NTSR1: variants seen among roughly 807,000 people sequenced by gnomAD.
The protein encoded by NTSR1 is neurotensin receptor 1.
In NTSR1, 29 loss-of-function variants were observed where a neutral mutation model predicts 31.2. That is an observed-to-expected ratio of 0.93 (90% CI 0.69 to 1.27). The LOEUF is 1.27. NTSR1 is among the 50% of genes most tolerant of loss of function. NTSR1 has a pLI of 0.00. For synonymous variants in NTSR1, 282 were observed against 269.9 expected (o/e 1.04, Z -0.44); for missense variants, 697 against 595.4 (o/e 1.17, Z -1.78).
At position 62,760,597 on chromosome 20, in the gene NTSR1, A is replaced by C; in HGVS notation, c.*330A>C. 2 of 263,452 alleles carry C rather than the reference A, an allele frequency of 7.6e-6. No homozygotes were observed. Among genetic ancestry groups the C allele is most frequent in the Non-Finnish European group, 1.5e-5 (2 of 136,540 alleles). The allele number at this position is 263,452 out of a possible 1,614,324, so 16.3% of individuals were successfully genotyped here. A position where few individuals can be genotyped will look rare whatever the true frequency, so the allele number is the denominator to read the frequency against. On this transcript the variant is annotated 3_prime_UTR_variant, in exon 4 of 4. Transcript: ENST00000370501. ...GGCAGTTTTCTTTGTTCTCAGACTA[A>C]TGGATGGTTCCAGAGAAGGAAATGA...
intron 1 of NTSR1, among the ~76,000 whole-genome samples, chr20:62,752,583 C>G (rs1020623536): frequency 1.3e-5 from 2 of 152,230 alleles, no homozygotes; most frequent in African/African-American, 2.4e-5. Flanking sequence ...AGCCAGGGGG[C>G]CGGGGCCAGA....
chr20:62,750,115 G>A (rs958948896), intron 1 of NTSR1, among the ~76,000 whole-genome samples: 2 of 152,202 alleles, frequency 1.3e-5, no homozygotes, highest in South Asian at 2.1e-4. Context: ...GTGCTGCTCC[G>A]TCTTGAAAAA....
Position 62,742,745 on chromosome 20 carries a change from G to C in NTSR1, c.715-11940G>C, listed in dbSNP as rs1177201610. Among the ~76,000 whole-genome samples, 1 of 149,228 alleles carries C rather than the reference G, an allele frequency of 6.7e-6. No homozygotes were observed. Among genetic ancestry groups the C allele is most frequent in the Non-Finnish European group, 1.5e-5 (1 of 67,998 alleles). On this transcript the variant is annotated intron_variant, in intron 1 of 3. Transcript: ENST00000370501. The surrounding 1 kb of genome is among the most constrained non-coding windows in gnomAD (Gnocchi z 7.1). ...ATGACCTCACTCCTGGAAAGCGCTGGGCTGTGTCACCTTAAAGACCCCTTT... is the reference window on the plus strand; with the variant it reads ...ATGACCTCACTCCTGGAAAGCGCTGCGCTGTGTCACCTTAAAGACCCCTTT...
intron 1 of NTSR1, among the ~76,000 whole-genome samples, chr20:62,716,478 G>A (rs893398935): frequency 6.6e-5 from 9 of 137,212 alleles, no homozygotes; most frequent in African/African-American, 2.0e-4. Context: ...CTGTATCTTC[G>A]TTGTGGATCA....
chr20:62,709,412 G>T lies in NTSR1; in HGVS notation c.205G>T (p.Val69Leu). 1 of 1,611,056 alleles carries T rather than the reference G, an allele frequency of 6.2e-7. No homozygotes were observed. Among genetic ancestry groups the T allele is most frequent in the Non-Finnish European group, 8.5e-7 (1 of 1,178,606 alleles). Reference sequence around the variant, plus strand: ...CTACTCCAAGGTGCTGGTGACCGCCGTGTACCTGGCGCTCTTCGTGGTGGG... The same window carrying T: ...CTACTCCAAGGTGCTGGTGACCGCCTTGTACCTGGCGCTCTTCGTGGTGGG... ...DIYSKVLVTA[V>L]YLALFVVGTV... is the part of the protein sequence containing the mutation. Residue 69 changes from valine to leucine, a missense_variant, in exon 1 of 4, where the codon GTG becomes TTG. Coordinates refer to ENST00000370501, the MANE Select transcript of NTSR1 (RefSeq NM_002531.3).
intron 1 of NTSR1, among the ~76,000 whole-genome samples, chr20:62,724,260 C>T (rs1022291613): frequency 2.6e-5 from 4 of 152,218 alleles, no homozygotes; most frequent in Admixed American, 2.6e-4. Flanking sequence ...CAGTGGGGCC[C>T]CTGCAACCCC....
rs1490709349 is a variant in NTSR1, at chr20:62,709,832, G to A, written c.625G>A (p.Glu209Lys). The change falls in exon 1 of 4, where the codon GAG becomes AAG. Residue 209 changes from glutamate (E) to lysine (K), a missense_variant. Transcript: ENST00000370501. Reference protein sequence around the residue: ...LAVPMLFTMGEQNRSADGQHA... With the variant: ...LAVPMLFTMGKQNRSADGQHA... ...GGTGCCTATGCTGTTCACCATGGGC[G>A]AGCAGAACCGCAGCGCCGACGGCCA... 9 of 1,612,036 alleles carry A rather than the reference G, an allele frequency of 5.6e-6. No homozygotes were observed. Among genetic ancestry groups the A allele is most frequent in the East Asian group, 2.2e-5 (1 of 44,834 alleles).
intron 1 of NTSR1, among the ~76,000 whole-genome samples, chr20:62,712,699 C>G (rs1988639123): frequency 6.6e-6 from 1 of 152,186 alleles, no homozygotes; most frequent in South Asian, 2.1e-4. Flanking sequence ...CTACGGGTGC[C>G]CCTGGGTTCC....
At position 62,760,345 on chromosome 20, in the gene NTSR1, G is replaced by A. The variant is rs1482325080; in HGVS notation, c.*78G>A. ...CCGACAGACAGAGCAGCCCCCACCC[G>A]GGAGCCTTGATGGGGGTCAGGCAGA... On this transcript the variant is annotated 3_prime_UTR_variant, in exon 4 of 4. Coordinates refer to ENST00000370501, the MANE Select transcript of NTSR1 (RefSeq NM_002531.3). 8.7e-6 allele frequency: 13 copies of A among 1,497,346 alleles called. No individual in the cohort carries two copies. The highest frequency in any genetic ancestry group is 8.1e-5 in the Admixed American group (4 of 49,564). 92.8% of individuals were successfully genotyped at this position (1,497,346 alleles called of 1,614,324 possible). A position where few individuals can be genotyped will look rare whatever the true frequency, so the allele number is the denominator to read the frequency against.
At position 62,733,106 on chromosome 20, in the gene NTSR1, A is replaced by G. The variant is rs1037153536; in HGVS notation, c.715-21579A>G. 2 of 151,712 alleles carry G rather than the reference A, an allele frequency of 1.3e-5. No individual in the cohort carries two copies. The highest frequency in any genetic ancestry group is 4.9e-5 in the African/African-American group (2 of 41,220). 9.4% of individuals were successfully genotyped at this position (151,712 alleles called of 1,614,324 possible). A position where few individuals can be genotyped will look rare whatever the true frequency, so the allele number is the denominator to read the frequency against. ...CCAAGCAGCAGTGCCGTGCATATTC[A>G]TGTCGGCATTGGACTTGCAAATTCT... On this transcript the variant is annotated intron_variant, in intron 1 of 3. Transcript: ENST00000370501. This position sits in a 1 kb window ranked among gnomAD's most constrained non-coding sequence, Gnocchi z 5.2.
At chr20:62,725,573 C>A (rs964960539) in intron 1 of NTSR1, among the ~76,000 whole-genome samples, 1 of 152,224 alleles carries the variant, frequency 6.6e-6, no homozygotes, top group South Asian at 2.1e-4. Context: ...GCCACCCAAC[C>A]GGCCACCCCA....
intron 1 of NTSR1, among the ~76,000 whole-genome samples, chr20:62,738,426 T>C (rs1293193407): frequency 1.3e-5 from 2 of 152,216 alleles, no homozygotes; most frequent in Non-Finnish European, 2.9e-5. Flanking sequence ...GCCCGAGCCA[T>C]GGGGAGGCCT....
chr20:62,757,721 T>C (rs1338047059), intron 2 of NTSR1, among the ~76,000 whole-genome samples: 2 of 152,190 alleles, frequency 1.3e-5, no homozygotes, highest in Non-Finnish European at 2.9e-5. Context: ...TGTCTCCTTC[T>C]CTGAGGCCAT....
chr20:62,732,303 T>C lies in NTSR1; in HGVS notation c.714+22382T>C, dbSNP rs1178858687. On this transcript the variant is annotated intron_variant, in intron 1 of 3. Transcript: ENST00000370501. This position sits in a 1 kb window ranked among gnomAD's most constrained non-coding sequence, Gnocchi z 4.0. Reference sequence around the variant, plus strand: ...AGGTTTGTCACCATTGAGTATGACATGGGCTGTAGGTTTTTAGTAGATGTT... The same window carrying C: ...AGGTTTGTCACCATTGAGTATGACACGGGCTGTAGGTTTTTAGTAGATGTT... 6.6e-6 allele frequency among the ~76,000 whole-genome samples: 1 copy of C among 152,164 alleles called. No individual in the cohort carries two copies. Among genetic ancestry groups the C allele is most frequent in the African/African-American group, 2.4e-5 (1 of 41,436 alleles).
chr20:62,711,357 C>T lies in NTSR1; in HGVS notation c.714+1436C>T, dbSNP rs867211086. Among the ~76,000 whole-genome samples, 3 of 152,178 alleles carry T rather than the reference C, an allele frequency of 2.0e-5. No individual in the cohort carries two copies. Among genetic ancestry groups the T allele is most frequent in the South Asian group, 4.1e-4 (2 of 4,836 alleles). ...GGGTAAACACAGTGAGAAATGACCT[C>T]TCCCTCCCTTTGAGGCTTTATCTGC... On this transcript the variant is annotated intron_variant, in intron 1 of 3. Transcript: ENST00000370501. This position sits in a 1 kb window ranked among gnomAD's most constrained non-coding sequence, Gnocchi z 6.4.
chr20:62,737,664 T>C (rs1989121851), intron 1 of NTSR1, among the ~76,000 whole-genome samples: 1 of 151,878 alleles, frequency 6.6e-6, no homozygotes, highest in Non-Finnish European at 1.5e-5. Context: ...CCTGCTCTCG[T>C]CCCCACATCT....
intron 1 of NTSR1, among the ~76,000 whole-genome samples, chr20:62,753,052 C>T (rs1323098870): frequency 2.0e-5 from 3 of 152,196 alleles, no homozygotes; most frequent in Non-Finnish European, 2.9e-5. Flanking sequence ...TGCTGCCTCC[C>T]GGGGGTTTGA....
At position 62,754,804 on chromosome 20, in the gene NTSR1, G is replaced by T. The variant is rs774735789; in HGVS notation, c.834G>T (p.Thr278=). The T allele has an allele frequency of 8.7e-6, 14 of 1,610,778 alleles. No individual in the cohort carries two copies. Among genetic ancestry groups the T allele is most frequent in the Middle Eastern group, 1.6e-4 (1 of 6,080 alleles). ...RQAAEQGQVC[T]VGGEHSTFSM... ...CGGCCGAGCAGGGCCAAGTGTGCAC[G>T]GTCGGGGGCGAGCACAGCACATTCA... Residue 278 remains threonine, a synonymous_variant, in exon 2 of 4, where the codon ACG becomes ACT. Transcript: ENST00000370501.
At chr20:62,728,574 C>T (rs888811116) in intron 1 of NTSR1, among the ~76,000 whole-genome samples, 1 of 152,174 alleles carries the variant, frequency 6.6e-6, no homozygotes, top group African/African-American at 2.4e-5. Context: ...AAGTGGAGGC[C>T]GTTTGTGGTT....
Sources: gnomAD v4.1 joint callset for allele counts (sites outside exome capture counted in the v4.1 genomes callset) on GRCh38, gnomAD v4.1.1 for gene constraint, Gnocchi (gnomAD v3.1) non-coding constraint, MANE v1.5 for transcripts, NCBI Gene and HGNC (gene_info 2026-07-23, HGNC 2026-07-21) for gene names.